MAP3K13: variants seen among roughly 807,000 people sequenced by gnomAD.
MAP3K13 encodes leucine zipper-bearing kinase.
Under a neutral mutation model 104.0 loss-of-function variants are expected in MAP3K13, and 52 were observed. That is an observed-to-expected ratio of 0.50 (90% confidence interval 0.40 to 0.63). The LOEUF is 0.63. Among genes scored for constraint, MAP3K13 ranks in the 20% least tolerant of loss-of-function variants. The pLI is 0.00. For synonymous variants in MAP3K13, 394 were observed against 442.2 expected (o/e 0.89, Z 1.37); for missense variants, 914 against 1,218.5 (o/e 0.75, Z 3.72).
At chr3:185,308,581 A>C (rs565325987) in intron 2 of MAP3K13, among the ~76,000 whole-genome samples, 21 of 152,158 alleles carry the variant, frequency 1.4e-4, no homozygotes, top group African/African-American at 4.3e-4. Flanking sequence ...GCTGTGCTGC[A>C]GGTTCTCAGG....
At chr3:185,350,669 T>C (rs980729534) in intron 2 of MAP3K13, among the ~76,000 whole-genome samples, 2 of 152,144 alleles carry the variant, frequency 1.3e-5, no homozygotes, top group Non-Finnish European at 2.9e-5. Flanking sequence ...TTCAATAAGA[T>C]ACCATCTCAC....
At chr3:185,358,122 C>A (rs1404331569) in intron 2 of MAP3K13, among the ~76,000 whole-genome samples, 1 of 152,060 alleles carries the variant, frequency 6.6e-6, no homozygotes, top group East Asian at 1.9e-4. Flanking sequence ...ATAGAGTAAT[C>A]CAACCCAAAA....
intron 2 of MAP3K13, among the ~76,000 whole-genome samples, chr3:185,339,890 T>A (rs1175606145): frequency 1.3e-5 from 2 of 152,204 alleles, no homozygotes; most frequent in Non-Finnish European, 2.9e-5. Flanking sequence ...CACTTAGTTA[T>A]ATGGGACTCT....
intron 2 of MAP3K13, chr3:185,293,043 G>A: frequency 2.0e-6 from 2 of 985,012 alleles, no homozygotes; most frequent in Non-Finnish European, 2.4e-6. Context: ...GTGTGTACTT[G>A]GTCATTAAAT....
At chr3:185,459,411 A>C (rs1406037928) in intron 7 of MAP3K13, among the ~76,000 whole-genome samples, 1 of 152,066 alleles carries the variant, frequency 6.6e-6, no homozygotes, top group Non-Finnish European at 1.5e-5. Context: ...AAGTGTGGTA[A>C]AATAAAGATA....
chr3:185,463,171 C>CGT (rs1717211885), intron 7 of MAP3K13, among the ~76,000 whole-genome samples: 3 of 152,336 alleles, frequency 2.0e-5, no homozygotes, highest in African/African-American at 7.2e-5. Context: ...TGCACACATA[C>CGT]GTTTCCATGT....
At position 185,473,296 on chromosome 3, in the gene MAP3K13, A is replaced by G; in HGVS notation, c.1965A>G (p.Arg655=). 1 of 1,613,990 alleles carries G rather than the reference A, an allele frequency of 6.2e-7. No individual in the cohort carries two copies. The change falls in exon 11 of 14, where the codon AGA becomes AGG. Residue 655 remains arginine, a synonymous_variant. Coordinates refer to ENST00000265026, the MANE Select transcript of MAP3K13 (RefSeq NM_004721.5). This position sits in a 1 kb window ranked among gnomAD's most constrained non-coding sequence, Gnocchi z 4.9. ...CCATGTCCCAGAGTCACCATCCCAG[A>G]CTCAATATGCACGGACAGGACATAG... ...PPAMSQSHHP[R]LNMHGQDIAT... is the part of the protein sequence containing the mutation.
Position 185,363,262 on chromosome 3 carries a change from A to G in MAP3K13, c.-192A>G. On this transcript the variant is annotated 5_prime_UTR_variant, in exon 1 of 14. Transcript: ENST00000265026. ...GTGGGCTGGAGGATTGTGTGGGTGG[A>G]ATCCCCCTCCCCTTTATTTTTCCAA... 2.0e-6 allele frequency: 2 copies of G among 985,266 alleles called. No homozygotes were observed. Among genetic ancestry groups the G allele is most frequent in the Non-Finnish European group, 2.4e-6 (2 of 829,878 alleles). The allele number at this position is 985,266 out of a possible 1,614,324, so 61.0% of individuals were successfully genotyped here.
At chr3:185,324,868 T>C (rs1027012297) in intron 2 of MAP3K13, among the ~76,000 whole-genome samples, 3 of 152,042 alleles carry the variant, frequency 2.0e-5, no homozygotes, top group Non-Finnish European at 2.9e-5. Context: ...TTTGACAAGA[T>C]TGGGATGCTG....
chr3:185,291,453 A>T (rs1011165016), intron 2 of MAP3K13, among the ~76,000 whole-genome samples: 3 of 151,958 alleles, frequency 2.0e-5, no homozygotes, highest in African/African-American at 4.8e-5. Context: ...TTTCAAAAAA[A>T]TTTTTTTCCT....
intron 1 of MAP3K13, among the ~76,000 whole-genome samples, chr3:185,283,478 T>G (rs1487398881): frequency 6.7e-6 from 1 of 149,734 alleles, no homozygotes; most frequent in Non-Finnish European, 1.5e-5. Flanking sequence ...GTCGAAGGAA[T>G]GAATGAATGA....
intron 10 of MAP3K13, among the ~76,000 whole-genome samples, chr3:185,471,278 C>T (rs1197449828): frequency 1.3e-5 from 2 of 150,430 alleles, no homozygotes; most frequent in African/African-American, 4.9e-5. Flanking sequence ...CTTTGAGCAT[C>T]CCAAAAAAAC....
At position 185,473,207 on chromosome 3, in the gene MAP3K13, T is replaced by C; in HGVS notation, c.1876T>C (p.Ser626Pro). Residue 626 changes from serine to proline, a missense_variant, in exon 11 of 14, where the codon TCC (serine) becomes CCC (proline). Coordinates refer to ENST00000265026, the MANE Select transcript of MAP3K13 (RefSeq NM_004721.5). This position sits in a 1 kb window ranked among gnomAD's most constrained non-coding sequence, Gnocchi z 4.9. Reference protein sequence around the residue: ...PHPTYLHQAQSQYPSLHHHNS... With the variant: ...PHPTYLHQAQPQYPSLHHHNS... ...TCCCACTTACCTGCACCAAGCTCAATCCCAATACCCTTCTCTTCATCACCA... is the reference window on the plus strand; with the variant it reads ...TCCCACTTACCTGCACCAAGCTCAACCCCAATACCCTTCTCTTCATCACCA... 1 of 1,614,100 alleles carries C rather than the reference T, an allele frequency of 6.2e-7. No individual in the cohort carries two copies. Among genetic ancestry groups the C allele is most frequent in the African/African-American group, 1.3e-5 (1 of 75,028 alleles).
chr3:185,466,462 C>T (rs935230973), intron 9 of MAP3K13, among the ~76,000 whole-genome samples: 2 of 150,360 alleles, frequency 1.3e-5, no homozygotes, highest in Admixed American at 6.7e-5. Context: ...CTGCAACCTC[C>T]GCCTCCCGGA....
Position 185,485,384 on chromosome 3 carries a change from A to G in MAP3K13, c.*2928A>G, listed in dbSNP as rs564288496. 3 of 152,344 alleles carry G rather than the reference A, an allele frequency of 2.0e-5. No homozygotes were observed. The highest frequency in any genetic ancestry group is 4.4e-5 in the Non-Finnish European group (3 of 68,032). The allele number at this position is 152,344 out of a possible 1,614,324, so 9.4% of individuals were successfully genotyped here. On this transcript the variant is annotated 3_prime_UTR_variant, in exon 14 of 14. Transcript: ENST00000265026. Reference sequence around the variant, plus strand: ...CCCTCTTACCCATGGCTTCATTTTCATGGTTTCAGTTACGCTCAACAGCAG... The same window carrying G: ...CCCTCTTACCCATGGCTTCATTTTCGTGGTTTCAGTTACGCTCAACAGCAG...
At chr3:185,392,378 C>G (rs1712113304) in intron 1 of MAP3K13, among the ~76,000 whole-genome samples, 10 of 152,170 alleles carry the variant, frequency 6.6e-5, no homozygotes, top group Admixed American at 6.5e-4. Context: ...AGCATCTAAC[C>G]CAGACTAGAG....
chr3:185,460,390 G>A (rs948470070), intron 7 of MAP3K13, among the ~76,000 whole-genome samples: 9 of 152,168 alleles, frequency 5.9e-5, no homozygotes, highest in Non-Finnish European at 1.5e-5. Flanking sequence ...GAGCAACGCT[G>A]GTTCTGTTCC....
chr3:185,428,771 G>T lies in MAP3K13; in HGVS notation c.190G>T (p.Val64Phe), dbSNP rs751190196. The change falls in exon 2 of 14, where the codon GTC becomes TTC. Residue 64 changes from valine to phenylalanine, a missense_variant. Val to Phe is a conservative substitution (Grantham distance 50). Transcript: ENST00000265026. The stretch of plus-strand genomic sequence containing the variant: ...GCTAATCGAGAGCGTGCACAGCCCC[G>T]TCACCACAACAGTGTTGACGAGCGT... The part of the protein sequence containing the change: ...TELIESVHSP[V>F]TTTVLTSVSE... 2 of 1,614,032 alleles carry T rather than the reference G, an allele frequency of 1.2e-6. No homozygotes were observed. Among genetic ancestry groups the T allele is most frequent in the African/African-American group, 2.7e-5 (2 of 74,924 alleles).
At chr3:185,302,174 G>A (rs1212047811) in intron 2 of MAP3K13, among the ~76,000 whole-genome samples, 3 of 151,742 alleles carry the variant, frequency 2.0e-5, no homozygotes, top group Admixed American at 1.3e-4. Flanking sequence ...AGGCCAAGGC[G>A]GGTGGATTAC....
Sources: gnomAD v4.1 joint callset for allele counts (sites outside exome capture counted in the v4.1 genomes callset) on GRCh38, gnomAD v4.1.1 for gene constraint, Gnocchi (gnomAD v3.1) non-coding constraint, MANE v1.5 for transcripts, NCBI Gene and HGNC (gene_info 2026-07-23, HGNC 2026-07-21) for gene names.